Variants in AK5 observed in about 807,000 individuals in gnomAD.
The protein encoded by AK5 is adenylate kinase isoenzyme 5.
AK5 carries 27 observed loss-of-function variants against 69.5 expected under a neutral mutation model. The ratio of observed to expected loss-of-function variants is 0.39; its 90% CI spans 0.29 to 0.54. The LOEUF is 0.54. AK5 is among the 20% of genes least tolerant of loss of function. AK5 has a pLI of 0.71. For missense variants in AK5, 531 were observed against 700.4 expected (o/e 0.76, Z 2.73); for synonymous variants, 260 against 244.4 (o/e 1.06, Z -0.60).
rs1280056927 is a variant in AK5, at chr1:77,466,106, C to T, written c.1060-17211C>T. On this transcript the variant is annotated intron_variant, in intron 8 of 13. Coordinates refer to ENST00000354567, the MANE Select transcript of AK5 (RefSeq NM_174858.3). ...TGAGGCTCTGCTGGAGTCCTCTGTGCAGCGTCTTCCCAGCTCTCTGAGCCC... is the reference window on the plus strand; with the variant it reads ...TGAGGCTCTGCTGGAGTCCTCTGTGTAGCGTCTTCCCAGCTCTCTGAGCCC... Among the ~76,000 whole-genome samples, 3 of 152,292 alleles carry T rather than the reference C, an allele frequency of 2.0e-5. No homozygotes were observed. In the East Asian group the frequency reaches 5.8e-4, roughly 29 times the overall value.
At chr1:77,376,703 A>G (rs1336715914) in intron 6 of AK5, among the ~76,000 whole-genome samples, 2 of 152,140 alleles carry the variant, frequency 1.3e-5, no homozygotes. Flanking sequence ...CACTTTGGGA[A>G]GACGAGGTGA....
intron 6 of AK5, among the ~76,000 whole-genome samples, chr1:77,375,924 C>G (rs1647219703): frequency 6.6e-6 from 1 of 152,112 alleles, no homozygotes; most frequent in Admixed American, 6.6e-5. Flanking sequence ...ATAAATAAAT[C>G]ATGTTAATAT....
chr1:77,346,526 T>C (rs191246077), intron 6 of AK5, among the ~76,000 whole-genome samples: 23 of 152,326 alleles, frequency 1.5e-4, no homozygotes, highest in Non-Finnish European at 2.6e-4. Flanking sequence ...GGATAGGGTC[T>C]GGCTGTGTTG....
At chr1:77,357,609 C>A (rs545125395) in intron 6 of AK5, among the ~76,000 whole-genome samples, 5 of 152,292 alleles carry the variant, frequency 3.3e-5, no homozygotes, top group Admixed American at 1.3e-4. Context: ...GTGATCAATT[C>A]TCTTCTACTG....
intron 8 of AK5, among the ~76,000 whole-genome samples, chr1:77,438,884 A>T (rs995775113): frequency 5.3e-5 from 8 of 152,200 alleles, no homozygotes; most frequent in African/African-American, 1.9e-4. Flanking sequence ...TTATCATTCC[A>T]GGGGGAATGC....
At position 77,535,610 on chromosome 1, in the gene AK5, A is replaced by G. The variant is rs191209967; in HGVS notation, c.1429-237A>G. The stretch of plus-strand genomic sequence containing the variant: ...CAGTGGGTGGCATATACTCGTCTGC[A>G]TCACGTGAGGTGGCCTAAAAGCTGA... On this transcript the variant is annotated intron_variant, in intron 12 of 13. Transcript: ENST00000354567. Among the ~76,000 whole-genome samples, 591 of 152,264 alleles carry G rather than the reference A, an allele frequency of 3.9e-3. 10 individuals carry two copies. Among genetic ancestry groups the G allele is most frequent in the South Asian group, 0.033 (159 of 4,820 alleles).
chr1:77,342,079 T>C lies in AK5; in HGVS notation c.891+1511T>C, dbSNP rs532171001. On this transcript the variant is annotated intron_variant, in intron 6 of 13. Transcript: ENST00000354567. ...ACGCCCAGCTAAATTTTTGTATTTTTAGTAGAGATGGGGTTTCACCATGTT... is the reference window on the plus strand; with the variant it reads ...ACGCCCAGCTAAATTTTTGTATTTTCAGTAGAGATGGGGTTTCACCATGTT... Among the ~76,000 whole-genome samples, 281 of 152,236 alleles carry C rather than the reference T, an allele frequency of 1.8e-3. 5 individuals carry two copies. Among genetic ancestry groups the C allele is most frequent in the Middle Eastern group, 0.01 (3 of 294 alleles).
chr1:77,293,919 T>C lies in AK5; in HGVS notation c.374T>C (p.Phe125Ser), dbSNP rs764520259. Residue 125 changes from phenylalanine to serine, a missense_variant, in exon 3 of 14, where the codon TTT becomes TCT. Phe to Ser is a radical substitution (Grantham distance 155). Transcript: ENST00000354567. ...GAGTTGATTGAGGAGTATGAGGTTTTTGATCCTACCAGACCTCGACCAAAA... is the reference window on the plus strand; with the variant it reads ...GAGTTGATTGAGGAGTATGAGGTTTCTGATCCTACCAGACCTCGACCAAAA... Reference protein sequence around the residue: ...TAELIEEYEVFDPTRPRPKII... With the variant: ...TAELIEEYEVSDPTRPRPKII... 6.2e-7 allele frequency: 1 copy of C among 1,613,556 alleles called. No individual in the cohort carries two copies. The highest frequency in any genetic ancestry group is 1.1e-5 in the South Asian group (1 of 90,950).
At chr1:77,557,980 G>A (rs1239684323) in intron 13 of AK5, among the ~76,000 whole-genome samples, 1 of 146,568 alleles carries the variant, frequency 6.8e-6, no homozygotes, top group East Asian at 2.0e-4. Context: ...CATATAATTG[G>A]AACCATACAA....
Position 77,386,928 on chromosome 1 carries a change from A to G in AK5, c.892-24053A>G, listed in dbSNP as rs1648074333. Reference sequence around the variant, plus strand: ...TCAAATTTTTTCTCTCTCACATGTAAGTGAGAACATGCAATATTTGTCTTT... The same window carrying G: ...TCAAATTTTTTCTCTCTCACATGTAGGTGAGAACATGCAATATTTGTCTTT... On this transcript the variant is annotated intron_variant, in intron 6 of 13. Transcript: ENST00000354567. Among the ~76,000 whole-genome samples the G allele has an allele frequency of 3.3e-5, 5 of 151,964 alleles. 1 individual carries two copies. The highest frequency in any genetic ancestry group is 3.3e-4 in the Admixed American group (5 of 15,254).
chr1:77,542,894 T>G (rs1191872775), intron 13 of AK5, among the ~76,000 whole-genome samples: 1 of 152,156 alleles, frequency 6.6e-6, no homozygotes, highest in East Asian at 1.9e-4. Context: ...CCTGCGTTAT[T>G]TGCTACTCTT....
intron 8 of AK5, among the ~76,000 whole-genome samples, chr1:77,429,538 A>G (rs1259426568): frequency 1.3e-5 from 2 of 152,214 alleles, no homozygotes; most frequent in African/African-American, 2.4e-5. Context: ...TCCTGCTATC[A>G]TAGAGCTTAT....
At chr1:77,539,494 A>G (rs6692369) in intron 13 of AK5, among the ~76,000 whole-genome samples, 93,168 of 152,004 alleles carry the variant, frequency 0.61, 30,965 homozygotes, top group Non-Finnish European at 0.74. Flanking sequence ...GCCATCCCCT[A>G]CCCACACAGC....
intron 5 of AK5, among the ~76,000 whole-genome samples, chr1:77,321,435 C>G (rs932173504): frequency 6.6e-6 from 1 of 151,744 alleles, no homozygotes; most frequent in Non-Finnish European, 1.5e-5. Flanking sequence ...CGCCACTGCA[C>G]TGCAGCATGG....
At chr1:77,318,569 C>T (rs1022569033) in intron 5 of AK5, among the ~76,000 whole-genome samples, 1 of 152,110 alleles carries the variant, frequency 6.6e-6, no homozygotes, top group Non-Finnish European at 1.5e-5. Context: ...GTATTAATGT[C>T]ATTAGGTGCA....
At chr1:77,366,723 GA>G (rs1437955579) in intron 6 of AK5, among the ~76,000 whole-genome samples, 5 of 152,120 alleles carry the variant, frequency 3.3e-5, no homozygotes, top group African/African-American at 9.7e-5. Context: ...AAACTTTCAG[GA>G]AAGAACGTGT....
intron 6 of AK5, among the ~76,000 whole-genome samples, chr1:77,394,952 AAT>A (rs1317875821): frequency 1.3e-5 from 2 of 151,902 alleles, no homozygotes; most frequent in Non-Finnish European, 2.9e-5. Context: ...AGGATCTAAG[AAT>A]ACTCAGGACA....
chr1:77,391,495 G>GTGTATATATATATATATATATATATA (rs1425180466), intron 6 of AK5, among the ~76,000 whole-genome samples: 63 of 63,268 alleles, frequency 1.0e-3, no homozygotes, highest in Non-Finnish European at 1.3e-3. Flanking sequence ...GTGTGTGTGT[G>GTGTATATATATATATATATATATATA]TATATATATA....
intron 5 of AK5, among the ~76,000 whole-genome samples, chr1:77,332,604 A>ATTATTTAT (rs71588894): frequency 8.5e-4 from 124 of 146,196 alleles, no homozygotes; most frequent in African/African-American, 3.0e-3. Context: ...TATTTATTTG[A>ATTATTTAT]TTATTTATTT....
Sources: gnomAD v4.1 joint callset for allele counts (sites outside exome capture counted in the v4.1 genomes callset) on GRCh38, gnomAD v4.1.1 for gene constraint, MANE v1.5 for transcripts, NCBI Gene and HGNC (gene_info 2026-07-23, HGNC 2026-07-21) for gene names.